RIT1: variants seen among roughly 807,000 people sequenced by gnomAD.
RIT1 encodes GTP-binding protein Rit1.
Under a neutral mutation model 25.6 loss-of-function variants are expected in RIT1, and 6 were observed. The observed-to-expected ratio is 0.23, with a 90% confidence interval of 0.13 to 0.46. The LOEUF (loss-of-function observed/expected upper bound fraction) is 0.46. Among genes scored for constraint, RIT1 ranks in the 20% least tolerant of loss-of-function variants. The probability of loss-of-function intolerance (pLI) is 0.99; values close to 1 mark genes in which losing one functional copy is unlikely to be tolerated. For missense variants in RIT1, 219 were observed against 284.4 expected (o/e 0.77, Z 1.65); for synonymous variants, 81 against 94.1 (o/e 0.86, Z 0.80).
rs750755911 is a variant in RIT1, at chr1:155,900,539, T to C, written c.509A>G (p.Tyr170Cys). Residue 170 changes from tyrosine (Y) to cysteine (C), a missense_variant, in exon 6 of 6, where the codon TAT becomes TGT. Tyr to Cys is a radical substitution (Grantham distance 194). Coordinates refer to ENST00000368323, the MANE Select transcript of RIT1 (RefSeq NM_006912.6). ...FFETSAAYRYYIDDVFHALVR... is the reference protein window; with the variant it reads ...FFETSAAYRYCIDDVFHALVR... The stretch of plus-strand genomic sequence containing the variant: ...AAGGGCATGGAAAACATCATCAATA[T>C]AGTAGCGGTATGCAGCAGATGTCTC... The C allele has an allele frequency of 6.2e-6, 10 of 1,614,150 alleles. No homozygotes were observed. Among genetic ancestry groups the C allele is most frequent in the South Asian group, 3.3e-5 (3 of 91,072 alleles).
intron 3 of RIT1, among the ~76,000 whole-genome samples, chr1:155,906,294 A>G (rs890927314): frequency 6.6e-5 from 10 of 152,164 alleles, no homozygotes; most frequent in African/African-American, 1.2e-4. Context: ...TTACATCTCA[A>G]TGTATTTCCT....
In RIT1 at chr1:155,900,351, C is replaced by T; in HGVS notation, c.*37G>A. On this transcript the variant is annotated 3_prime_UTR_variant, in exon 6 of 6. Coordinates refer to ENST00000368323, the MANE Select transcript of RIT1 (RefSeq NM_006912.6). Reference sequence around the variant, plus strand: ...AGGTTACTGGACTGCTTTGATACAGCACTGCAGTTCACAGATAAACACTTC... The same window carrying T: ...AGGTTACTGGACTGCTTTGATACAGTACTGCAGTTCACAGATAAACACTTC... 2 of 1,474,758 alleles carry T rather than the reference C, an allele frequency of 1.4e-6. No individual in the cohort carries two copies. The highest frequency in any genetic ancestry group is 1.9e-6 in the Non-Finnish European group (2 of 1,055,642). 91.4% of individuals were successfully genotyped at this position (1,474,758 alleles called of 1,614,324 possible). A position where few individuals can be genotyped will look rare whatever the true frequency, so the allele number is the denominator to read the frequency against.
Position 155,899,750 on chromosome 1 carries a change from G to C in RIT1, c.*638C>G, listed in dbSNP as rs1673272462. The C allele has an allele frequency of 1.8e-5, 4 of 222,554 alleles. No individual in the cohort carries two copies. The highest frequency in any genetic ancestry group is 3.6e-5 in the Non-Finnish European group (4 of 111,452). The allele number at this position is 222,554 out of a possible 1,614,324, so 13.8% of individuals were successfully genotyped here. On this transcript the variant is annotated 3_prime_UTR_variant, in exon 6 of 6. Transcript: ENST00000368323. ...TGTTCTCACTTATCCCGGTGAATTT[G>C]GGCCAAATGTGTACTTCTTAGAAAA...
intron 5 of RIT1, among the ~76,000 whole-genome samples, chr1:155,902,107 G>A (rs563920078): frequency 1.1e-3 from 165 of 152,220 alleles, no homozygotes; most frequent in Non-Finnish European, 1.7e-3. Flanking sequence ...AGCAAAAGAG[G>A]ATGTAGCCTC....
intron 3 of RIT1, among the ~76,000 whole-genome samples, chr1:155,907,240 C>CTTTTTTT (rs773275927): frequency 7.2e-6 from 1 of 139,074 alleles, no homozygotes; most frequent in African/African-American, 2.6e-5. Context: ...CATTCATATG[C>CTTTTTTT]TTTTTTTTTT....
At chr1:155,901,872 G>A (rs1673318811) in intron 5 of RIT1, among the ~76,000 whole-genome samples, 1 of 152,096 alleles carries the variant, frequency 6.6e-6, no homozygotes, top group Non-Finnish European at 1.5e-5. Flanking sequence ...AGCACTTTGG[G>A]AGGCTGAAGC....
At chr1:155,908,687 G>A (rs192237363) in intron 3 of RIT1, among the ~76,000 whole-genome samples, 59 of 149,248 alleles carry the variant, frequency 4.0e-4, no homozygotes, top group Admixed American at 6.7e-4. Flanking sequence ...CTCAGCCCCC[G>A]CAGTAGCTGG....
chr1:155,903,530 C>A (rs1345008385), intron 5 of RIT1, among the ~76,000 whole-genome samples: 1 of 147,462 alleles, frequency 6.8e-6, no homozygotes, highest in Non-Finnish European at 1.5e-5. Flanking sequence ...ATATTGAAAA[C>A]TATTAGGAGC....
chr1:155,901,325 C>A (rs918665730), intron 5 of RIT1, among the ~76,000 whole-genome samples: 1 of 151,862 alleles, frequency 6.6e-6, no homozygotes, highest in African/African-American at 2.4e-5. Context: ...TATGGTGAGA[C>A]CCTACTTTTA....
chr1:155,909,991 G>A (rs1673556494), intron 3 of RIT1: 1 of 159,280 alleles, frequency 6.3e-6, no homozygotes, highest in Non-Finnish European at 1.4e-5. Flanking sequence ...AAGGTATAAG[G>A]AAGTAAACCA....
chr1:155,897,916 G>C lies in RIT1; in HGVS notation c.*2472C>G, dbSNP rs1263596472. 6.6e-6 allele frequency: 1 copy of C among 151,826 alleles called. No homozygotes were observed. Among genetic ancestry groups the C allele is most frequent in the African/African-American group, 2.4e-5 (1 of 41,242 alleles). The allele number at this position is 151,826 out of a possible 1,614,324, so 9.4% of individuals were successfully genotyped here. On this transcript the variant is annotated 3_prime_UTR_variant, in exon 6 of 6. Coordinates refer to ENST00000368323, the MANE Select transcript of RIT1 (RefSeq NM_006912.6). ...CAAACATCACAGTAGACCAATTCTT[G>C]CTAATATATGACAAAGTTAAAACAT...
At position 155,904,323 on chromosome 1, in the gene RIT1, T is replaced by A. The variant is rs1294529693; in HGVS notation, c.417A>T (p.Lys139Asn). The A allele has an allele frequency of 7.4e-6, 12 of 1,611,032 alleles. No homozygotes were observed. Among genetic ancestry groups the A allele is most frequent in the Non-Finnish European group, 1.0e-5 (12 of 1,177,270 alleles). ...TCTCTATCCTCACCTGTCTTAGCTG[T>A]TTGAGGTCTGACTTGTTTCCCACAA... ...VVLVGNKSDL[K>N]QLRQVTKEEG... is the part of the protein sequence containing the mutation. The change falls in exon 5 of 6, where the codon AAA becomes AAT. Residue 139 changes from lysine (K) to asparagine (N), a missense_variant. Physicochemically the swap from Lys to Asn is moderately conservative, Grantham distance 94 (BLOSUM62 0). Coordinates refer to ENST00000368323, the MANE Select transcript of RIT1 (RefSeq NM_006912.6).
At chr1:155,909,530 C>T (rs1267670445) in intron 3 of RIT1, among the ~76,000 whole-genome samples, 1 of 152,132 alleles carries the variant, frequency 6.6e-6, no homozygotes, top group Non-Finnish European at 1.5e-5. Context: ...TGTTCTTAGT[C>T]TTTGTAGAGA....
Position 155,910,457 on chromosome 1 carries a change from G to A in RIT1, c.156C>T (p.Pro52=), listed in dbSNP as rs1571999270. The A allele has an allele frequency of 8.7e-6, 14 of 1,613,472 alleles. No homozygotes were observed. The highest frequency in any genetic ancestry group is 1.1e-5 in the Non-Finnish European group (13 of 1,179,382). ...ISHRFPEDHD[P]TIEDAYKIRI... ...AGTGATGATCTGGCTTACCAATGGT[G>A]GGATCATGATCTTCTGGGAATCGGT... The change falls in exon 3 of 6, where the codon CCC becomes CCT. Residue 52 remains proline, a synonymous_variant. Transcript: ENST00000368323.
Position 155,904,796 on chromosome 1 carries a change from A to T in RIT1, c.172T>A (p.Tyr58Asn). ...EDHDPTIEDA[Y>N]KIRIRIDDEP... Reference sequence around the variant, plus strand: ...TCATCAATACGGATCCTGATCTTATAAGCATCTTCTACAGGAGGGAAGAAA... The same window carrying T: ...TCATCAATACGGATCCTGATCTTATTAGCATCTTCTACAGGAGGGAAGAAA... The change falls in exon 4 of 6, where the codon TAT becomes AAT. Residue 58 changes from tyrosine to asparagine, a missense_variant. Tyr to Asn is a moderately radical substitution (Grantham distance 143, BLOSUM62 -2). Around this residue, in one of 3 missense-constraint regions of RIT1, gnomAD observed 131 missense variants for 173.6 expected, o/e 0.75. Transcript: ENST00000368323. 1 of 1,609,442 alleles carries T rather than the reference A, an allele frequency of 6.2e-7. No individual in the cohort carries two copies. The highest frequency in any genetic ancestry group is 8.5e-7 in the Non-Finnish European group (1 of 1,175,762).
At chr1:155,910,330 TA>T in intron 3 of RIT1, 119 bp downstream of exon 3, 1 of 831,738 alleles carries the variant, frequency 1.2e-6, no homozygotes. Context: ...CCCTTGTTTC[TA>T]AATAAATCTG....
chr1:155,900,409 C>T lies in RIT1; in HGVS notation c.639G>A (p.Lys213=), dbSNP rs1673288442. The change falls in exon 6 of 6, where the codon AAG becomes AAA. Residue 213 remains lysine (K), a synonymous_variant. Coordinates refer to ENST00000368323, the MANE Select transcript of RIT1 (RefSeq NM_006912.6). ...VWKRLKSPFR[K]KKDSVT is the part of the protein sequence containing the mutation. ...CTCTTCAAGTTACTGAATCTTTCTTCTTCCGGAATGGTGATTTTAGCCTCT... is the reference window on the plus strand; with the variant it reads ...CTCTTCAAGTTACTGAATCTTTCTTTTTCCGGAATGGTGATTTTAGCCTCT... 2.5e-6 allele frequency: 4 copies of T among 1,613,974 alleles called. No homozygotes were observed. The South Asian group carries it at 4.4e-5, about 18-fold the overall frequency.
At position 155,900,297 on chromosome 1, in the gene RIT1, GAA is replaced by G; in HGVS notation, c.*89_*90del. 1 of 872,690 alleles carries G rather than the reference GAA, an allele frequency of 1.1e-6. No homozygotes were observed. Among genetic ancestry groups the G allele is most frequent in the African/African-American group, 1.7e-5 (1 of 59,762 alleles). The allele number at this position is 872,690 out of a possible 1,614,324, so 54.1% of individuals were successfully genotyped here. On this transcript the variant is annotated 3_prime_UTR_variant, in exon 6 of 6. Coordinates refer to ENST00000368323, the MANE Select transcript of RIT1 (RefSeq NM_006912.6). ...GGCATGTCCCTCTTATCAGTTAAGT[GAA>G]AGAGCAAGCACCATACTCAGTACTG...
At position 155,901,369 on chromosome 1, in the gene RIT1, C is replaced by T. The variant is rs374144813; in HGVS notation, c.430-751G>A. On this transcript the variant is annotated intron_variant, in intron 5 of 5. Coordinates refer to ENST00000368323, the MANE Select transcript of RIT1 (RefSeq NM_006912.6). ...TTAAAAATTTAGCTGGGGCCAGGAGCGGTGGCTCACGCCTGTAATCCCAAC... is the reference window on the plus strand; with the variant it reads ...TTAAAAATTTAGCTGGGGCCAGGAGTGGTGGCTCACGCCTGTAATCCCAAC... 3.9e-5 allele frequency among the ~76,000 whole-genome samples: 6 copies of T among 151,952 alleles called. No individual in the cohort carries two copies. The South Asian group carries it at 6.2e-4, about 16-fold the overall frequency.
Sources: gnomAD v4.1 joint callset for allele counts (sites outside exome capture counted in the v4.1 genomes callset) on GRCh38, gnomAD v4.1.1 for gene constraint, gnomAD v4.1.1 regional missense constraint, MANE v1.5 for transcripts, NCBI Gene and HGNC (gene_info 2026-07-23, HGNC 2026-07-21) for gene names.